The following KIF26B variants were observed in gnomAD, a reference collection of about 807,000 sequenced individuals.
KIF26B encodes the protein kinesin-like protein KIF26B.
In KIF26B, 63 loss-of-function variants were observed where a neutral mutation model predicts 151.2. That is an observed-to-expected ratio of 0.42 (90% confidence interval 0.34 to 0.51). The LOEUF (loss-of-function observed/expected upper bound fraction) is 0.51, where lower values mean the gene tolerates loss of function less well. Ranked by LOEUF, KIF26B falls within the 20% of genes least tolerant of loss-of-function variation. The pLI, the probability that KIF26B is intolerant of heterozygous loss-of-function variation, is 0.07. For synonymous variants in KIF26B, 1,357 were observed against 1,262.1 expected (o/e 1.08, Z -1.59); for missense variants, 2,813 against 2,913.6 (o/e 0.97, Z 0.79).
rs992875789 is a variant in KIF26B, at chr1:245,526,687, G to T, written c.1167-14080G>T. Among the ~76,000 whole-genome samples the T allele has an allele frequency of 3.3e-5, 5 of 152,168 alleles. No individual in the cohort carries two copies. The East Asian group carries it at 9.6e-4, about 29-fold the overall frequency. ...TAGCTTTGCTCTGAAAGAGCTACAG[G>T]TACCCAGCAAAGAGTTACGGATTAA... On this transcript the variant is annotated intron_variant, in intron 4 of 14. Coordinates refer to ENST00000407071, the MANE Select transcript of KIF26B (RefSeq NM_018012.4).
intron 4 of KIF26B, among the ~76,000 whole-genome samples, chr1:245,429,910 C>T (rs1162726294): frequency 1.3e-5 from 2 of 152,076 alleles, no homozygotes; most frequent in Non-Finnish European, 2.9e-5. Context: ...CCACTGCACC[C>T]GGCCTTGTTG....
intron 9 of KIF26B, among the ~76,000 whole-genome samples, chr1:245,634,336 T>C (rs1448680480): frequency 1.3e-5 from 2 of 152,220 alleles, no homozygotes; most frequent in African/African-American, 4.8e-5. Flanking sequence ...ACTTGCCTTA[T>C]TGTACTGGCC....
chr1:245,365,734 C>T (rs1280327739), intron 2 of KIF26B, among the ~76,000 whole-genome samples: 2 of 152,140 alleles, frequency 1.3e-5, no homozygotes, highest in Non-Finnish European at 2.9e-5. Flanking sequence ...CTCTCCTATC[C>T]CAGTTCCCCC....
intron 2 of KIF26B, among the ~76,000 whole-genome samples, chr1:245,215,685 C>A (rs988487701): frequency 6.6e-6 from 1 of 152,108 alleles, no homozygotes; most frequent in African/African-American, 2.4e-5. Context: ...GGCTTACAGC[C>A]CCTTTTAGGG....
intron 2 of KIF26B, among the ~76,000 whole-genome samples, chr1:245,361,473 C>T (rs1444209798): frequency 6.6e-6 from 1 of 152,218 alleles, no homozygotes; most frequent in Non-Finnish European, 1.5e-5. Context: ...TTCACGTGCT[C>T]AGCGCGGTGT....
chr1:245,156,508 C>G lies in KIF26B; in HGVS notation c.290C>G (p.Pro97Arg). The change falls in exon 2 of 15, where the codon CCG becomes CGG. Residue 97 changes from proline (P) to arginine (R), a missense_variant. Pro to Arg is a moderately radical substitution (Grantham distance 103, BLOSUM62 -2). This residue lies in a region of KIF26B where 676 missense variants were observed against 688.1 expected (regional missense o/e 0.98). Transcript: ENST00000407071. ...PASPGIGTSS[P>R]GSLGGSPGFG... ...TCCCCCGGCATCGGCACTAGTTCGC[C>G]GGGCTCCTTGGGCGGCTCTCCGGGC... The G allele has an allele frequency of 6.5e-7, 1 of 1,531,028 alleles. No homozygotes were observed. The highest frequency in any genetic ancestry group is 2.5e-5 in the East Asian group (1 of 40,230). The allele number at this position is 1,531,028 out of a possible 1,614,324, so 94.8% of individuals were successfully genotyped here.
intron 10 of KIF26B, among the ~76,000 whole-genome samples, chr1:245,679,844 A>G (rs2044409127): frequency 6.6e-6 from 1 of 152,110 alleles, no homozygotes; most frequent in African/African-American, 2.4e-5. Flanking sequence ...CAACTACTTG[A>G]AAGAGCGGTG....
intron 4 of KIF26B, among the ~76,000 whole-genome samples, chr1:245,436,138 C>T (rs555041695): frequency 5.3e-5 from 8 of 150,982 alleles, no homozygotes; most frequent in African/African-American, 1.9e-4. Context: ...GATTGCGTCA[C>T]TGCACTCCAG....
At chr1:245,701,626 C>CATT (rs543021973) in intron 14 of KIF26B, among the ~76,000 whole-genome samples, 6 of 152,216 alleles carry the variant, frequency 3.9e-5, no homozygotes, top group East Asian at 3.9e-4. Flanking sequence ...AGTTCGTGTT[C>CATT]ATTATTATCT....
intron 4 of KIF26B, among the ~76,000 whole-genome samples, chr1:245,502,968 T>C (rs1231120097): frequency 1.3e-5 from 2 of 152,046 alleles, no homozygotes; most frequent in Non-Finnish European, 2.9e-5. Flanking sequence ...TTCAAGTGAT[T>C]CTCCTTCCTC....
At chr1:245,681,783 C>G (rs2147950130) in intron 10 of KIF26B, among the ~76,000 whole-genome samples, 1 of 152,308 alleles carries the variant, frequency 6.6e-6, no homozygotes. Context: ...TTAAACCCTT[C>G]TTGGCTAGTG....
intron 5 of KIF26B, among the ~76,000 whole-genome samples, chr1:245,550,796 C>T (rs1299827062): frequency 6.6e-6 from 1 of 152,196 alleles, no homozygotes; most frequent in Non-Finnish European, 1.5e-5. Context: ...TTGCTACAAG[C>T]TCTTTTTTTG....
At chr1:245,344,020 A>T (rs1672388059) in intron 2 of KIF26B, among the ~76,000 whole-genome samples, 1 of 151,942 alleles carries the variant, frequency 6.6e-6, no homozygotes, top group African/African-American at 2.4e-5. Context: ...TGGCCTTGCT[A>T]TGCTTTAACT....
intron 2 of KIF26B, among the ~76,000 whole-genome samples, chr1:245,222,265 C>T (rs1054376176): frequency 6.6e-6 from 1 of 152,060 alleles, no homozygotes; most frequent in Non-Finnish European, 1.5e-5. Context: ...GGTAAAACCC[C>T]GTCTCTACTA....
rs1331285935 is a variant in KIF26B, at chr1:245,375,275, C to A, written c.999+7908C>A. Among the ~76,000 whole-genome samples the A allele has an allele frequency of 6.6e-6, 1 of 152,118 alleles. No individual in the cohort carries two copies. The highest frequency in any genetic ancestry group is 1.5e-5 in the Non-Finnish European group (1 of 68,030). The stretch of plus-strand genomic sequence containing the variant: ...TATTTTTAGTAGAGATGAGGTTTCA[C>A]CATGTTGTCCAGGCTGGTCTCAAAC... On this transcript the variant is annotated intron_variant, in intron 3 of 14. Transcript: ENST00000407071. The surrounding 1 kb of genome is among the most constrained non-coding windows in gnomAD (Gnocchi z 4.2).
chr1:245,699,434 T>C (rs1180507451), intron 14 of KIF26B, among the ~76,000 whole-genome samples: 1 of 148,712 alleles, frequency 6.7e-6, no homozygotes, highest in African/African-American at 2.5e-5. Context: ...AAAGGTAGAG[T>C]GTACAGTCCT....
At chr1:245,504,848 A>G (rs569520135) in intron 4 of KIF26B, among the ~76,000 whole-genome samples, 1 of 152,228 alleles carries the variant, frequency 6.6e-6, no homozygotes, top group South Asian at 2.1e-4. Context: ...AGAAATGGTA[A>G]AATTTTAACG....
chr1:245,381,662 C>T (rs979842617), intron 3 of KIF26B, among the ~76,000 whole-genome samples: 21 of 152,176 alleles, frequency 1.4e-4, no homozygotes, highest in African/African-American at 5.1e-4. Flanking sequence ...TCACCACCAT[C>T]CATCCACCTC....
rs1207297244 is a variant in KIF26B at position 245,170,487 on chromosome 1, T to C, written c.465+13804T>C. Among the ~76,000 whole-genome samples the C allele has an allele frequency of 2.0e-5, 3 of 152,182 alleles. No individual in the cohort carries two copies. Among genetic ancestry groups the C allele is most frequent in the Admixed American group, 2.0e-4 (3 of 15,272 alleles). Reference sequence around the variant, plus strand: ...AACCAAACATAGAGGGCAAATGTCTTAGCCAATTCATGCTGCTATAACAAA... The same window carrying C: ...AACCAAACATAGAGGGCAAATGTCTCAGCCAATTCATGCTGCTATAACAAA... On this transcript the variant is annotated intron_variant, in intron 2 of 14. Coordinates refer to ENST00000407071, the MANE Select transcript of KIF26B (RefSeq NM_018012.4). The surrounding 1 kb of genome is among the most constrained non-coding windows in gnomAD (Gnocchi z 4.4).
Sources: gnomAD v4.1 joint callset for allele counts (sites outside exome capture counted in the v4.1 genomes callset) on GRCh38, gnomAD v4.1.1 for gene constraint, gnomAD v4.1.1 regional missense constraint, Gnocchi (gnomAD v3.1) non-coding constraint, MANE v1.5 for transcripts, NCBI Gene and HGNC (gene_info 2026-07-23, HGNC 2026-07-21) for gene names.